The following AKAP19 variants were observed in gnomAD, a reference collection of about 807,000 sequenced individuals.
AKAP19 encodes the protein A-kinase anchoring protein 19, also known as small A-kinase anchoring protein.
chr2:190,143,000 C>G, the AKAP19 span, among the ~76,000 whole-genome samples: 3 of 151,868 alleles, frequency 2.0e-5, 1 homozygote, highest in Non-Finnish European at 4.4e-5. Flanking sequence ...CAGTACTACC[C>G]ATTTTTATAC....
At chr2:189,971,014 A>C in the AKAP19 span, among the ~76,000 whole-genome samples, 1 of 151,934 alleles carries the variant, frequency 6.6e-6, no homozygotes, top group Non-Finnish European at 1.5e-5. Flanking sequence ...TTTAAGTTCT[A>C]GGGTACATGT....
the AKAP19 span, among the ~76,000 whole-genome samples, chr2:190,110,968 T>G: frequency 6.6e-6 from 1 of 152,302 alleles, no homozygotes; most frequent in Non-Finnish European, 1.5e-5. Context: ...CTCAGAAGCT[T>G]AAAGACAGGG....
chr2:190,001,356 C>G, the AKAP19 span, among the ~76,000 whole-genome samples: 2 of 152,074 alleles, frequency 1.3e-5, no homozygotes, highest in East Asian at 1.9e-4. Flanking sequence ...CTTTCTCCCC[C>G]CAATATGGAT....
the AKAP19 span, chr2:190,180,595 G>A: frequency 1.0e-6 from 1 of 985,752 alleles, no homozygotes; most frequent in Non-Finnish European, 1.2e-6. This position sits in a 1 kb window ranked among gnomAD's most constrained non-coding sequence, Gnocchi z 6.8. Context: ...TGAGGGCGGT[G>A]GCCCAGACCA....
the AKAP19 span, among the ~76,000 whole-genome samples, chr2:190,128,754 A>T: frequency 6.6e-6 from 1 of 152,248 alleles, no homozygotes; most frequent in South Asian, 2.1e-4. Context: ...AAACAAAACA[A>T]ACAACAAAAC....
chr2:190,187,409 CTTTTT>C, the AKAP19 span, among the ~76,000 whole-genome samples: 2 of 131,302 alleles, frequency 1.5e-5, no homozygotes, highest in African/African-American at 2.9e-5. Flanking sequence ...TTAGAAGTTA[CTTTTT>C]TTTTTTTTTT....
At chr2:190,194,663 T>C in the AKAP19 span, among the ~76,000 whole-genome samples, 1 of 152,208 alleles carries the variant, frequency 6.6e-6, no homozygotes, top group African/African-American at 2.4e-5. Flanking sequence ...TTTCATTGCC[T>C]TAAAAATTGT....
the AKAP19 span, among the ~76,000 whole-genome samples, chr2:189,941,933 A>G: frequency 6.6e-6 from 1 of 152,338 alleles, no homozygotes; most frequent in East Asian, 1.9e-4. Context: ...GTTCACCTAT[A>G]AAGATGTACA....
chr2:190,139,996 C>T, the AKAP19 span, among the ~76,000 whole-genome samples: 1 of 152,170 alleles, frequency 6.6e-6, no homozygotes, highest in African/African-American at 2.4e-5. Flanking sequence ...GGGGTACAGG[C>T]ATTGGGTAAA....
the AKAP19 span, among the ~76,000 whole-genome samples, chr2:189,977,595 G>C: frequency 6.6e-6 from 1 of 152,152 alleles, no homozygotes; most frequent in Admixed American, 6.5e-5. Context: ...TGACCACTCA[G>C]GTCTGGATTT....
At chr2:189,941,796 T>C in the AKAP19 span, among the ~76,000 whole-genome samples, 2 of 152,094 alleles carry the variant, frequency 1.3e-5, no homozygotes, top group Admixed American at 1.3e-4. Context: ...AACAACAAAT[T>C]GGCAATAGTA....
chr2:190,108,524 G>A, the AKAP19 span, among the ~76,000 whole-genome samples: 3 of 152,150 alleles, frequency 2.0e-5, no homozygotes, highest in East Asian at 3.8e-4. Context: ...AATTATCCTT[G>A]GTGCTTAAAT....
chr2:190,202,499 TATC>T, the AKAP19 span: 3 of 167,190 alleles, frequency 1.8e-5, no homozygotes, highest in South Asian at 2.1e-4. Context: ...ATGTGATAGT[TATC>T]ATGGTATGGC....
chr2:190,057,772 C>G, the AKAP19 span: 1 of 893,926 alleles, frequency 1.1e-6, no homozygotes, highest in Non-Finnish European at 1.7e-6. Flanking sequence ...AAAGGCACAG[C>G]ATTAAGGAAT....
chr2:190,179,506 T>G, the AKAP19 span, among the ~76,000 whole-genome samples: 1 of 152,200 alleles, frequency 6.6e-6, no homozygotes, highest in East Asian at 1.9e-4. This position sits in a 1 kb window ranked among gnomAD's most constrained non-coding sequence, Gnocchi z 6.0. Context: ...CCAATCCCAT[T>G]AATCATACTA....
At chr2:189,883,234 G>A in the AKAP19 span, among the ~76,000 whole-genome samples, 1 of 152,072 alleles carries the variant, frequency 6.6e-6, no homozygotes, top group Non-Finnish European at 1.5e-5. Flanking sequence ...TGATGCTAAT[G>A]CTACTTGTCA....
At chr2:190,180,038 A>G in the AKAP19 span, among the ~76,000 whole-genome samples, 2 of 152,244 alleles carry the variant, frequency 1.3e-5, no homozygotes, top group Non-Finnish European at 1.5e-5. The surrounding 1 kb of genome is among the most constrained non-coding windows in gnomAD (Gnocchi z 6.8). Context: ...AATGGCCTTT[A>G]GAGATACTTT....
the AKAP19 span, among the ~76,000 whole-genome samples, chr2:190,170,393 G>A: frequency 6.6e-6 from 1 of 152,196 alleles, no homozygotes; most frequent in Non-Finnish European, 1.5e-5. Flanking sequence ...TCCATCAGTG[G>A]CATATTGCCA....
the AKAP19 span, among the ~76,000 whole-genome samples, chr2:189,962,191 A>C: frequency 2.0e-5 from 3 of 152,148 alleles, no homozygotes; most frequent in African/African-American, 7.2e-5. Flanking sequence ...AATACTTACC[A>C]TTGTGTTATA....
Sources: allele counts gnomAD v4.1 joint callset (sites outside exome capture counted in the v4.1 genomes callset), GRCh38; gene constraint gnomAD v4.1.1; non-coding constraint Gnocchi (gnomAD v3.1); transcripts MANE v1.5; gene names NCBI Gene and HGNC (gene_info 2026-07-23, HGNC 2026-07-21).